Variants in FAM120A observed in about 807,000 individuals in gnomAD.
FAM120A encodes constitutive coactivator of PPAR-gamma-like protein 1.
Under a neutral mutation model 109.7 loss-of-function variants are expected in FAM120A, and 15 were observed. The observed-to-expected ratio is 0.14, with a 90% CI of 0.09 to 0.21. The LOEUF is 0.21. Ranked by LOEUF, FAM120A falls within the 10% of genes least tolerant of loss-of-function variation. The pLI is 1.00. For synonymous variants in FAM120A, 493 were observed against 572.8 expected (o/e 0.86, Z 1.99); for missense variants, 899 against 1,439.3 (o/e 0.62, Z 6.07).
At chr9:93,453,091 C>T (rs958479068) in intron 1 of FAM120A, 13 of 1,054,424 alleles carry the variant, frequency 1.2e-5, no homozygotes, top group Non-Finnish European at 1.4e-5. Flanking sequence ...ACTTCACGTC[C>T]GTGTGAAAGA....
chr9:93,504,538 A>C (rs1859947925), intron 5 of FAM120A, among the ~76,000 whole-genome samples: 2 of 152,030 alleles, frequency 1.3e-5, no homozygotes, highest in Admixed American at 6.6e-5. Flanking sequence ...AAATAGTTTC[A>C]TTTTGTTTGT....
intron 1 of FAM120A, among the ~76,000 whole-genome samples, chr9:93,459,313 CACTCA>C (rs1857686922): frequency 1.3e-5 from 2 of 152,236 alleles, no homozygotes; most frequent in African/African-American, 4.8e-5. Context: ...TTAGCATAGG[CACTCA>C]ACTCTAATCA....
intron 3 of FAM120A, among the ~76,000 whole-genome samples, chr9:93,482,587 TCCTTTA>T (rs1858868517): frequency 1.3e-5 from 2 of 152,142 alleles, no homozygotes; most frequent in Admixed American, 1.3e-4. Flanking sequence ...TTAAAACATG[TCCTTTA>T]GGGCCAGCAG....
At chr9:93,473,302 C>T (rs749479539) in intron 2 of FAM120A, among the ~76,000 whole-genome samples, 14 of 151,808 alleles carry the variant, frequency 9.2e-5, no homozygotes, top group South Asian at 2.1e-4. Context: ...TGAGCTACCG[C>T]GCCCAGCCTT....
intron 11 of FAM120A, among the ~76,000 whole-genome samples, chr9:93,549,353 T>A (rs1862013629): frequency 6.6e-6 from 1 of 152,212 alleles, no homozygotes; most frequent in Non-Finnish European, 1.5e-5. Context: ...TTGGGATAAT[T>A]ATTGTTCCTG....
At chr9:93,542,372 C>G (rs1861734101) in intron 10 of FAM120A, among the ~76,000 whole-genome samples, 1 of 152,224 alleles carries the variant, frequency 6.6e-6, no homozygotes, top group Admixed American at 6.5e-5. Flanking sequence ...TTTTAACATT[C>G]TACTGTGCAA....
Position 93,452,580 on chromosome 9 carries a change from A to C in FAM120A, c.474+191A>C. The C allele has an allele frequency of 2.5e-6, 4 of 1,596,420 alleles. No individual in the cohort carries two copies. The highest frequency in any genetic ancestry group is 3.4e-6 in the Non-Finnish European group (4 of 1,178,446). ...CGCGGGTGCAGGCCGCGCGCTGCCC[A>C]AGCCCGTCTCCAGCTGTCCCTGTTC... On this transcript the variant is annotated intron_variant, in intron 1 of 17. Coordinates refer to ENST00000277165, the MANE Select transcript of FAM120A (RefSeq NM_014612.5). This position sits in a 1 kb window ranked among gnomAD's most constrained non-coding sequence, Gnocchi z 7.0.
intron 7 of FAM120A, among the ~76,000 whole-genome samples, chr9:93,526,601 A>G (rs1861093229): frequency 6.6e-6 from 1 of 151,794 alleles, no homozygotes; most frequent in Non-Finnish European, 1.5e-5. Flanking sequence ...AGTTTGTGCC[A>G]TCTCGCTTTG....
rs1049171192 is a variant in FAM120A, at chr9:93,527,272, G to A, written c.1506+30G>A. The A allele has an allele frequency of 4.5e-6, 7 of 1,542,592 alleles. No individual in the cohort carries two copies. In the African/African-American group the frequency reaches 8.2e-5, roughly 18 times the overall value. The stretch of plus-strand genomic sequence containing the variant: ...AAAGTCTATGCCTTTTAGTTTTTGA[G>A]TTCTGACTCATTTTGTATTAGCACA... On this transcript the variant is annotated intron_variant, in intron 8 of 17. Coordinates refer to ENST00000277165, the MANE Select transcript of FAM120A (RefSeq NM_014612.5).
intron 1 of FAM120A, among the ~76,000 whole-genome samples, chr9:93,467,253 C>G (rs890500510): frequency 9.1e-6 from 1 of 109,476 alleles, no homozygotes; most frequent in African/African-American, 3.2e-5. Context: ...GTCACCCCCC[C>G]CCCCCTTTTC....
intron 10 of FAM120A, among the ~76,000 whole-genome samples, chr9:93,539,540 C>A (rs1349107466): frequency 1.3e-5 from 2 of 152,196 alleles, no homozygotes; most frequent in Non-Finnish European, 2.9e-5. Context: ...TGTTGCTCTT[C>A]AAAACTACCA....
At chr9:93,527,119 G>A (rs1318591384) in intron 7 of FAM120A, 36 bp from the exon 8 acceptor site, 2 of 1,573,606 alleles carry the variant, frequency 1.3e-6, no homozygotes, top group Admixed American at 1.7e-5. Flanking sequence ...GTTTGTGAAA[G>A]TGATTGGACA....
At chr9:93,471,058 C>A in intron 1 of FAM120A, 83 bp from the exon 2 acceptor site, 1 of 1,484,976 alleles carries the variant, frequency 6.7e-7, no homozygotes, top group Non-Finnish European at 9.1e-7. Context: ...GATTTTTCAG[C>A]TTCTGTGCAA....
chr9:93,553,961 C>G (rs1304620472), intron 12 of FAM120A, among the ~76,000 whole-genome samples: 1 of 152,086 alleles, frequency 6.6e-6, no homozygotes, highest in Non-Finnish European at 1.5e-5. Context: ...CAAATTTACA[C>G]TGCAGTCAAG....
At chr9:93,550,866 A>G (rs1862072516) in intron 12 of FAM120A, among the ~76,000 whole-genome samples, 175 bp downstream of exon 12, 2 of 152,252 alleles carry the variant, frequency 1.3e-5, no homozygotes, top group Non-Finnish European at 2.9e-5. Context: ...GGCAAAAGGA[A>G]TATTCCTTTC....
At chr9:93,467,132 A>G (rs188667878) in intron 1 of FAM120A, among the ~76,000 whole-genome samples, 2 of 152,020 alleles carry the variant, frequency 1.3e-5, no homozygotes, top group Admixed American at 1.3e-4. Context: ...GTGATGTACA[A>G]TTGTATGAGT....
chr9:93,487,410 C>T (rs915254563), intron 3 of FAM120A, among the ~76,000 whole-genome samples: 2 of 152,196 alleles, frequency 1.3e-5, no homozygotes, highest in African/African-American at 4.8e-5. Flanking sequence ...GATCCACCTA[C>T]CTAGGCCTCC....
chr9:93,470,593 T>G (rs1858265772), intron 1 of FAM120A, among the ~76,000 whole-genome samples: 1 of 152,220 alleles, frequency 6.6e-6, no homozygotes, highest in African/African-American at 2.4e-5. Flanking sequence ...TGCATCCTTG[T>G]ATGGTCTCCA....
intron 10 of FAM120A, among the ~76,000 whole-genome samples, chr9:93,535,797 G>T (rs1441319494): frequency 2.0e-5 from 3 of 152,174 alleles, no homozygotes; most frequent in Non-Finnish European, 4.4e-5. Context: ...AGAATATCTT[G>T]TGATTGTTAA....
Sources: gnomAD v4.1 joint callset for allele counts (sites outside exome capture counted in the v4.1 genomes callset) on GRCh38, gnomAD v4.1.1 for gene constraint, Gnocchi (gnomAD v3.1) non-coding constraint, MANE v1.5 for transcripts, NCBI Gene and HGNC (gene_info 2026-07-23, HGNC 2026-07-21) for gene names.